The following IPCEF1 variants were observed in gnomAD, a reference collection of about 807,000 sequenced individuals.
IPCEF1 encodes the protein interactor protein for cytohesin exchange factors 1.
A neutral mutation model predicts 50.9 loss-of-function variants in IPCEF1; 31 were observed. That is an observed-to-expected ratio of 0.61 (90% confidence interval 0.46 to 0.82). The LOEUF is 0.82. IPCEF1 is among the 40% of genes least tolerant of loss of function. The pLI is 0.00. For synonymous variants in IPCEF1, 181 were observed against 192.0 expected (o/e 0.94, Z 0.47); for missense variants, 458 against 514.0 (o/e 0.89, Z 1.05).
intron 7 of IPCEF1, chr6:154,218,906 A>T (rs1778625243): frequency 6.6e-6 from 1 of 152,214 alleles, no homozygotes; most frequent in Admixed American, 6.5e-5. Context: ...AACCCCCAAA[A>T]GAATTTCAAG....
chr6:154,159,729 T>G lies in IPCEF1; in HGVS notation c.*99A>C. The G allele has an allele frequency of 2.3e-6, 2 of 863,704 alleles. No individual in the cohort carries two copies. The highest frequency in any genetic ancestry group is 3.7e-6 in the Non-Finnish European group (2 of 543,692). 53.5% of individuals were successfully genotyped at this position (863,704 alleles called of 1,614,324 possible). ...GATGGGAAGCTGATGCTTGAAGGAC[T>G]GGGTTTCAGTTTTCCTTTTAAGGAA... On this transcript the variant is annotated 3_prime_UTR_variant, in exon 12 of 12. Transcript: ENST00000367220.
intron 9 of IPCEF1, among the ~76,000 whole-genome samples, chr6:154,204,911 C>T (rs1777364718): frequency 6.6e-6 from 1 of 152,158 alleles, no homozygotes; most frequent in African/African-American, 2.4e-5. Flanking sequence ...GCATCTCCTC[C>T]CTCCTTCTCC....
intron 1 of IPCEF1, among the ~76,000 whole-genome samples, chr6:154,327,139 C>A (rs1042563530): frequency 5.3e-5 from 8 of 152,154 alleles, no homozygotes; most frequent in African/African-American, 1.9e-4. Flanking sequence ...CAATACCATT[C>A]AGGACATAGT....
intron 9 of IPCEF1, among the ~76,000 whole-genome samples, chr6:154,200,448 C>T (rs964420551): frequency 1.3e-5 from 2 of 152,254 alleles, no homozygotes; most frequent in East Asian, 1.9e-4. Flanking sequence ...AGGCTGGGTG[C>T]GATGGCTCAT....
At chr6:154,232,398 AGCATAT>A (rs1414820374) in intron 5 of IPCEF1, among the ~76,000 whole-genome samples, 4 of 152,354 alleles carry the variant, frequency 2.6e-5, no homozygotes, top group Admixed American at 6.5e-5. Flanking sequence ...TTGAGCGCTA[AGCATAT>A]GCCAGTGAGG....
chr6:154,335,905 C>T (rs192464728), intron 1 of IPCEF1, among the ~76,000 whole-genome samples: 166 of 152,260 alleles, frequency 1.1e-3, no homozygotes, highest in African/African-American at 3.5e-3. Context: ...CACAACATCA[C>T]TAACTTGCAT....
chr6:154,316,044 G>A (rs1232743447), intron 1 of IPCEF1, among the ~76,000 whole-genome samples: 1 of 152,112 alleles, frequency 6.6e-6, no homozygotes, highest in Non-Finnish European at 1.5e-5. Context: ...ATTTTCAGTA[G>A]AGACAGTTTC....
chr6:154,354,315 T>C, intron 1 of IPCEF1, among the ~76,000 whole-genome samples: 1 of 150,238 alleles, frequency 6.7e-6, no homozygotes, highest in Admixed American at 6.7e-5. Flanking sequence ...ATCTGTACCA[T>C]CACCTCTACC....
intron 2 of IPCEF1, among the ~76,000 whole-genome samples, chr6:154,289,461 A>C (rs1205111852): frequency 6.6e-6 from 1 of 151,674 alleles, no homozygotes; most frequent in Non-Finnish European, 1.5e-5. Context: ...GAAGCAAAAA[A>C]AAAATCAACC....
At chr6:154,237,659 T>C (rs1470650690) in intron 5 of IPCEF1, among the ~76,000 whole-genome samples, 1 of 152,206 alleles carries the variant, frequency 6.6e-6, no homozygotes, top group African/African-American at 2.4e-5. Context: ...TTTGCATCAC[T>C]GACTTAGAGC....
At chr6:154,229,654 C>G (rs1779570423) in intron 5 of IPCEF1, among the ~76,000 whole-genome samples, 1 of 152,130 alleles carries the variant, frequency 6.6e-6, no homozygotes. Flanking sequence ...CCGTGCCCAG[C>G]AGTTTGTCAG....
intron 1 of IPCEF1, among the ~76,000 whole-genome samples, chr6:154,348,874 C>T (rs1395031851): frequency 6.6e-5 from 10 of 152,086 alleles, no homozygotes; most frequent in Non-Finnish European, 5.9e-5. Context: ...CTCATCAGTC[C>T]ATAAAACTAT....
chr6:154,180,862 T>A (rs374438497), intron 10 of IPCEF1, among the ~76,000 whole-genome samples: 3 of 152,108 alleles, frequency 2.0e-5, no homozygotes, highest in East Asian at 1.9e-4. Flanking sequence ...TAATTTTAGT[T>A]CCCCAACATG....
rs750861526 is a variant in IPCEF1, at chr6:154,155,927, C to T, written c.*3901G>A. The T allele has an allele frequency of 3.9e-5, 6 of 152,084 alleles. No homozygotes were observed. The highest frequency in any genetic ancestry group is 8.8e-5 in the Non-Finnish European group (6 of 68,028). The allele number at this position is 152,084 out of a possible 1,614,324, so 9.4% of individuals were successfully genotyped here. ...TTCATCTCTGTGACATTGTTTGTGACTGGAGTGCTACCTGAGTAAATTATC... is the reference window on the plus strand; with the variant it reads ...TTCATCTCTGTGACATTGTTTGTGATTGGAGTGCTACCTGAGTAAATTATC... On this transcript the variant is annotated 3_prime_UTR_variant, in exon 12 of 12. Coordinates refer to ENST00000367220, the MANE Select transcript of IPCEF1 (RefSeq NM_001130700.2).
chr6:154,286,196 T>G (rs9383699), intron 2 of IPCEF1, among the ~76,000 whole-genome samples: 1 of 149,670 alleles, frequency 6.7e-6, no homozygotes, highest in African/African-American at 2.5e-5. Context: ...TGTCTGGGGG[T>G]GGGGGGTGGC....
At chr6:154,267,921 G>C (rs1781798994) in intron 2 of IPCEF1, among the ~76,000 whole-genome samples, 1 of 152,224 alleles carries the variant, frequency 6.6e-6, no homozygotes. Flanking sequence ...TGATCTTGGG[G>C]CTTTTATGGC....
chr6:154,169,232 G>A (rs952585196), intron 10 of IPCEF1, among the ~76,000 whole-genome samples: 2 of 152,074 alleles, frequency 1.3e-5, no homozygotes, highest in African/African-American at 2.4e-5. Context: ...GTGGTGGTGC[G>A]TGCCTGTCAT....
rs1409152467 is a variant in IPCEF1, at chr6:154,325,760, G to A, written c.-62+30912C>T. On this transcript the variant is annotated intron_variant, in intron 1 of 11. Coordinates refer to ENST00000367220, the MANE Select transcript of IPCEF1 (RefSeq NM_001130700.2). The stretch of plus-strand genomic sequence containing the variant: ...TTCTTTGAGTGTGCTTTTTTGGGGT[G>A]TGCTTTTTGACGGTGAATATATTTA... 1.4e-4 allele frequency among the ~76,000 whole-genome samples: 22 copies of A among 152,108 alleles called. 1 individual carries two copies. The highest frequency in any genetic ancestry group is 1.4e-3 in the Admixed American group (22 of 15,260).
intron 1 of IPCEF1, among the ~76,000 whole-genome samples, chr6:154,323,193 C>A (rs7754183): frequency 0.097 from 14,708 of 151,508 alleles, 1,087 homozygotes; most frequent in East Asian, 0.29. Context: ...CCCCAGATCT[C>A]CACGTGCACG....
Sources: gnomAD v4.1 joint callset for allele counts (sites outside exome capture counted in the v4.1 genomes callset) on GRCh38, gnomAD v4.1.1 for gene constraint, MANE v1.5 for transcripts, NCBI Gene and HGNC (gene_info 2026-07-23, HGNC 2026-07-21) for gene names.